CYBA: variants seen among roughly 807,000 people sequenced by gnomAD.
CYBA encodes cytochrome b-245 alpha chain.
A neutral mutation model predicts 20.8 loss-of-function variants in CYBA; 21 were observed. That is an observed-to-expected ratio of 1.01 (90% CI 0.72 to 1.46). CYBA has a LOEUF of 1.46. Ranked by LOEUF, CYBA falls within the 40% of genes most tolerant of loss-of-function variation. CYBA has a pLI of 0.00. For synonymous variants in CYBA, 164 were observed against 127.5 expected (o/e 1.29, Z -1.93); for missense variants, 344 against 287.0 (o/e 1.20, Z -1.43).
rs748709840 is a variant in CYBA at position 88,647,151 on chromosome 16, C to T, written c.153G>A (p.Leu51=). Residue 51 remains leucine, a synonymous_variant, in exon 3 of 6, where the codon CTG becomes CTA. Coordinates refer to ENST00000261623, the MANE Select transcript of CYBA (RefSeq NM_000101.4). ...TCCTCTTCCCCCGGGGGTACTCCAG[C>T]AGGCACACAAACACGCCCGCCACAC... ...YSIVAGVFVC[L]LEYPRGKRKK... 1 of 1,610,692 alleles carries T rather than the reference C, an allele frequency of 6.2e-7. No individual in the cohort carries two copies. The highest frequency in any genetic ancestry group is 8.5e-7 in the Non-Finnish European group (1 of 1,179,590).
chr16:88,648,600 G>A (rs1249487755), intron 1 of CYBA, among the ~76,000 whole-genome samples: 1 of 150,928 alleles, frequency 6.6e-6, no homozygotes, highest in Non-Finnish European at 1.5e-5. Context: ...GGGGGGTATT[G>A]TCCAATATTC....
rs1331192400 is a variant in CYBA at position 88,643,626 on chromosome 16, C to G, written c.370-55G>C. On this transcript the variant is annotated intron_variant, in intron 5 of 5. Coordinates refer to ENST00000261623, the MANE Select transcript of CYBA (RefSeq NM_000101.4). This position sits in a 1 kb window ranked among gnomAD's most constrained non-coding sequence, Gnocchi z 4.3. ...CCCAGCGCCCGCCCTCCCTCCCTCC[C>G]TCCCTCCCCGGAGGCCCACCCCGCT... 11 of 1,492,132 alleles carry G rather than the reference C, an allele frequency of 7.4e-6. No homozygotes were observed. In the East Asian group the frequency reaches 1.3e-4, roughly 17 times the overall value. The allele number at this position is 1,492,132 out of a possible 1,614,324, so 92.4% of individuals were successfully genotyped here. A position where few individuals can be genotyped will look rare whatever the true frequency, so the allele number is the denominator to read the frequency against.
At chr16:88,649,151 A>T (rs528964164) in intron 1 of CYBA, among the ~76,000 whole-genome samples, 4 of 148,134 alleles carry the variant, frequency 2.7e-5, no homozygotes, top group African/African-American at 1.0e-4. Context: ...GTTAGCCAGG[A>T]TGGTCTCGAT....
chr16:88,650,722 G>T, intron 1 of CYBA: 1 of 612,684 alleles, frequency 1.6e-6, no homozygotes, highest in South Asian at 1.8e-5. Context: ...TGGGGGAGGG[G>T]CGCCGCGCTC....
chr16:88,644,228 C>G lies in CYBA; in HGVS notation c.370-657G>C, dbSNP rs16966653. On this transcript the variant is annotated intron_variant, in intron 5 of 5. Coordinates refer to ENST00000261623, the MANE Select transcript of CYBA (RefSeq NM_000101.4). ...TATACGTCATGAACAGAAAGAGAAA[C>G]TGGACATGTGTGATCCTACCTGACT... Among the ~76,000 whole-genome samples, 1,282 of 152,324 alleles carry G rather than the reference C, an allele frequency of 8.4e-3. 15 individuals carry two copies. Among genetic ancestry groups the G allele is most frequent in the African/African-American group, 0.029 (1,208 of 41,560 alleles).
Position 88,643,676 on chromosome 16 carries a change from C to A in CYBA, c.370-105G>T. 1 of 1,063,100 alleles carries A rather than the reference C, an allele frequency of 9.4e-7. No individual in the cohort carries two copies. Among genetic ancestry groups the A allele is most frequent in the Non-Finnish European group, 1.4e-6 (1 of 731,854 alleles). The allele number at this position is 1,063,100 out of a possible 1,614,324, so 65.9% of individuals were successfully genotyped here. A position where few individuals can be genotyped will look rare whatever the true frequency, so the allele number is the denominator to read the frequency against. ...TAGGGGCCCTGGGACAGGCTCAAGT[C>A]TGAATCCCACGCAGGATGGTGTGAC... On this transcript the variant is annotated intron_variant, in intron 5 of 5. Transcript: ENST00000261623. The surrounding 1 kb of genome is among the most constrained non-coding windows in gnomAD (Gnocchi z 4.3).
At chr16:88,649,138 T>G (rs72549200) in intron 1 of CYBA, among the ~76,000 whole-genome samples, 9 of 149,256 alleles carry the variant, frequency 6.0e-5, no homozygotes, top group South Asian at 4.3e-4. Context: ...GGGGTTTCAC[T>G]GTGTTAGCCA....
chr16:88,644,074 G>A (rs1248365814), intron 5 of CYBA, among the ~76,000 whole-genome samples: 1 of 152,222 alleles, frequency 6.6e-6, no homozygotes, highest in Non-Finnish European at 1.5e-5. Context: ...GATTCCACTG[G>A]CTTTTACTAA....
intron 2 of CYBA, 35 bp downstream of exon 2, chr16:88,648,010 T>A (rs375616744): frequency 6.3e-7 from 1 of 1,585,510 alleles, no homozygotes; most frequent in South Asian, 1.1e-5. Flanking sequence ...GCCCTGGGCG[T>A]TCCCCGCCCA....
At chr16:88,650,876 G>GT (rs1287646841) in intron 1 of CYBA, 80 bp downstream of exon 1, 1 of 1,461,138 alleles carries the variant, frequency 6.8e-7, no homozygotes. Flanking sequence ...TCCCCACCCT[G>GT]TAAGTAGCCC....
At chr16:88,650,691 CG>C in intron 1 of CYBA, 1 of 613,792 alleles carries the variant, frequency 1.6e-6, no homozygotes, top group African/African-American at 1.8e-5. Flanking sequence ...TTCGCGGAGT[CG>C]GGGGACCGAG....
intron 1 of CYBA, among the ~76,000 whole-genome samples, chr16:88,649,518 G>A (rs1385504158): frequency 1.3e-5 from 2 of 152,220 alleles, no homozygotes; most frequent in African/African-American, 4.8e-5. Context: ...GCTGTGTACA[G>A]GGGGGACTCT....
intron 4 of CYBA, 190 bp from the exon 5 acceptor site, chr16:88,646,387 G>A: frequency 5.1e-6 from 1 of 197,308 alleles, no homozygotes. Context: ...AGCGGCTCTG[G>A]TGCACTTGCT....
At chr16:88,647,221 C>T (rs781777029) in intron 2 of CYBA, 46 bp from the exon 3 acceptor site, 22 of 1,572,206 alleles carry the variant, frequency 1.4e-5, no homozygotes, top group Non-Finnish European at 1.9e-5. Context: ...CCTGAGGGGC[C>T]ACAGGGAACT....
chr16:88,647,945 T>A, intron 2 of CYBA, 100 bp downstream of exon 2: 1 of 1,174,438 alleles, frequency 8.5e-7, no homozygotes, highest in Non-Finnish European at 1.2e-6. Flanking sequence ...CCAGCCTGGC[T>A]GCGGTGGTGG....
intron 1 of CYBA, among the ~76,000 whole-genome samples, chr16:88,648,370 G>T (rs1374747132): frequency 6.6e-6 from 1 of 152,182 alleles, no homozygotes; most frequent in East Asian, 1.9e-4. Context: ...GCCAAGGACA[G>T]CCCGACCTGC....
chr16:88,646,986 C>G, intron 3 of CYBA, 115 bp downstream of exon 3: 2 of 1,206,434 alleles, frequency 1.7e-6, no homozygotes, highest in Non-Finnish European at 2.4e-6. Flanking sequence ...TACCCACAAG[C>G]ACCAAAGGGT....
At position 88,646,260 on chromosome 16, in the gene CYBA, C is replaced by T. The variant is rs995925610; in HGVS notation, c.288-63G>A. 1.9e-5 allele frequency: 27 copies of T among 1,436,080 alleles called. No individual in the cohort carries two copies. The African/African-American group carries it at 3.2e-4, about 17-fold the overall frequency. 89.0% of individuals were successfully genotyped at this position (1,436,080 alleles called of 1,614,324 possible). ...GCACTCAGAAAGGGGAACGGAGCCCCAGGTCTGGGGGCCAAGGCCACAAAG... is the reference window on the plus strand; with the variant it reads ...GCACTCAGAAAGGGGAACGGAGCCCTAGGTCTGGGGGCCAAGGCCACAAAG... On this transcript the variant is annotated intron_variant, in intron 4 of 5. Transcript: ENST00000261623.
In CYBA at chr16:88,646,184, C is replaced by G; in HGVS notation, c.301G>C (p.Ala101Pro). Residue 101 changes from alanine to proline, a missense_variant, in exon 5 of 6, where the codon GCC (alanine) becomes CCC (proline). Coordinates refer to ENST00000261623, the MANE Select transcript of CYBA (RefSeq NM_000101.4). The stretch of plus-strand genomic sequence containing the variant: ...AGGATGGTGGCCAGCAGGAAGCCGG[C>G]GGGCACCGAGAGCCTGGGGGACAGC... ...AVLHLLLSVP[A>P]GFLLATILGT... The G allele has an allele frequency of 3.2e-6, 5 of 1,555,008 alleles. No homozygotes were observed. The South Asian group carries it at 4.7e-5, about 15-fold the overall frequency.
Sources: gnomAD v4.1 joint callset for allele counts (sites outside exome capture counted in the v4.1 genomes callset) on GRCh38, gnomAD v4.1.1 for gene constraint, Gnocchi (gnomAD v3.1) non-coding constraint, MANE v1.5 for transcripts, NCBI Gene and HGNC (gene_info 2026-07-23, HGNC 2026-07-21) for gene names.